The following ABR variants were observed in gnomAD, a reference collection of about 807,000 sequenced individuals.
ABR encodes the protein active breakpoint cluster region-related protein.
A neutral mutation model predicts 107.2 loss-of-function variants in ABR; 35 were observed. That is an observed-to-expected ratio of 0.33 (90% CI 0.25 to 0.43). The LOEUF is 0.43. ABR is among the 20% of genes least tolerant of loss of function. ABR has a pLI of 1.00. For missense variants in ABR, 815 were observed against 1,115.2 expected (o/e 0.73, Z 3.83); for synonymous variants, 498 against 462.0 (o/e 1.08, Z -1.00).
At chr17:1,029,377 C>T (rs1487416268) in intron 16 of ABR, among the ~76,000 whole-genome samples, 2 of 152,238 alleles carry the variant, frequency 1.3e-5, no homozygotes, top group Non-Finnish European at 2.9e-5. Context: ...AAACCAGAGG[C>T]CCTGCACTAT....
intron 2 of ABR, among the ~76,000 whole-genome samples, chr17:1,110,060 C>A (rs188206748): frequency 1.7e-4 from 25 of 150,862 alleles, no homozygotes; most frequent in Non-Finnish European, 2.2e-4. Flanking sequence ...TCCAAGCAGC[C>A]CCCCCAGCCA....
intron 16 of ABR, among the ~76,000 whole-genome samples, chr17:1,043,313 G>A (rs1013761595): frequency 6.6e-5 from 10 of 152,026 alleles, no homozygotes; most frequent in Non-Finnish European, 1.0e-4. Context: ...GACTACAGGC[G>A]TGCACCACCA....
intron 2 of ABR, among the ~76,000 whole-genome samples, chr17:1,121,066 C>T (rs1462504093): frequency 2.0e-5 from 3 of 152,234 alleles, no homozygotes; most frequent in African/African-American, 4.8e-5. Flanking sequence ...TGGAGCCACC[C>T]GTGGTCTGTG....
chr17:1,073,773 C>A, intron 6 of ABR, 96 bp from the exon 7 acceptor site: 2 of 1,108,950 alleles, frequency 1.8e-6, no homozygotes, highest in Non-Finnish European at 2.6e-6. Flanking sequence ...CGCATGCTTC[C>A]CACGTGAACA....
intron 1 of ABR, among the ~76,000 whole-genome samples, chr17:1,163,124 G>A (rs1327069853): frequency 1.3e-5 from 2 of 152,176 alleles, no homozygotes; most frequent in African/African-American, 2.4e-5. Flanking sequence ...GTGCCTCTCT[G>A]TTCTCTCCTG....
intron 16 of ABR, among the ~76,000 whole-genome samples, chr17:1,048,974 C>T (rs574564527): frequency 8.2e-4 from 125 of 152,310 alleles, no homozygotes; most frequent in African/African-American, 2.9e-3. Flanking sequence ...CGAGGCCACA[C>T]GAGGTACCAG....
At chr17:1,211,587 G>A (rs368362011) in intron 1 of ABR, among the ~76,000 whole-genome samples, 13 of 152,254 alleles carry the variant, frequency 8.5e-5, no homozygotes, top group African/African-American at 1.2e-4. Flanking sequence ...CCAGGAAATA[G>A]ACACTATTAA....
chr17:1,103,427 C>T (rs2038038353), intron 2 of ABR, among the ~76,000 whole-genome samples: 1 of 152,216 alleles, frequency 6.6e-6, no homozygotes, highest in African/African-American at 2.4e-5. Flanking sequence ...CTAGCACTCC[C>T]TCCTGTTCCC....
chr17:1,052,219 CAG>C (rs1421611950), intron 14 of ABR, among the ~76,000 whole-genome samples: 4 of 151,680 alleles, frequency 2.6e-5, no homozygotes, highest in African/African-American at 7.3e-5. Context: ...GTGAACAACA[CAG>C]AGGCCCTGAG....
intron 1 of ABR, among the ~76,000 whole-genome samples, chr17:1,151,552 G>A (rs141862052): frequency 3.3e-5 from 5 of 152,168 alleles, no homozygotes; most frequent in East Asian, 3.8e-4. Flanking sequence ...CCTCAAAGCC[G>A]CGTTCTTCCC....
intron 10 of ABR, among the ~76,000 whole-genome samples, chr17:1,064,675 G>A (rs1407602638): frequency 7.9e-6 from 1 of 125,798 alleles, no homozygotes; most frequent in South Asian, 2.8e-4. Context: ...CTGTTGTTAC[G>A]TGAACTGAGG....
At chr17:1,170,422 T>C (rs2041664531) in intron 1 of ABR, among the ~76,000 whole-genome samples, 1 of 152,014 alleles carries the variant, frequency 6.6e-6, no homozygotes, top group African/African-American at 2.4e-5. Context: ...AATTAATTAA[T>C]TTAGTTTGTT....
intron 1 of ABR, among the ~76,000 whole-genome samples, chr17:1,151,565 C>A (rs1171933011): frequency 6.6e-6 from 1 of 152,172 alleles, no homozygotes; most frequent in African/African-American, 2.4e-5. Context: ...TTCTTCCCTG[C>A]GGAGAGATTG....
intron 16 of ABR, among the ~76,000 whole-genome samples, chr17:1,038,164 G>A (rs79392236): frequency 0.012 from 1,793 of 152,098 alleles, 12 homozygotes; most frequent in Middle Eastern, 0.024. Context: ...GAATTCCCAC[G>A]CCCCACAGGC....
chr17:1,147,399 C>T (rs549963846), intron 1 of ABR, among the ~76,000 whole-genome samples: 9 of 150,206 alleles, frequency 6.0e-5, no homozygotes, highest in South Asian at 4.2e-4. Flanking sequence ...CTCACTCTGT[C>T]GCCCAGCCTG....
intron 1 of ABR, among the ~76,000 whole-genome samples, chr17:1,207,571 C>T (rs112413213): frequency 0.027 from 4,017 of 147,044 alleles, 191 homozygotes; most frequent in African/African-American, 0.095. Flanking sequence ...ATTGCTTGAA[C>T]TCGGGAGGTG....
At chr17:1,006,445 G>A (rs1162020268) in intron 22 of ABR, among the ~76,000 whole-genome samples, 1 of 152,182 alleles carries the variant, frequency 6.6e-6, no homozygotes, top group East Asian at 1.9e-4. Context: ...AGGAATCCCA[G>A]GGAAGCCTCC....
chr17:1,103,387 C>T (rs895584194), intron 2 of ABR, among the ~76,000 whole-genome samples: 3 of 152,190 alleles, frequency 2.0e-5, no homozygotes, highest in Admixed American at 6.5e-5. Flanking sequence ...CCAGCCTTGA[C>T]AAATGGGAAC....
chr17:1,072,667 T>C lies in ABR; in HGVS notation c.841A>G (p.Ile281Val), dbSNP rs1170790426. The change falls in exon 8 of 23, where the codon ATC becomes GTC. Residue 281 changes from isoleucine to valine, a missense_variant. By Grantham distance (29) the Ile-to-Val change is conservative. This residue lies in a region of ABR where 385 missense variants were observed against 596.9 expected (regional missense o/e 0.64). Coordinates refer to ENST00000302538, the MANE Select transcript of ABR (RefSeq NM_021962.5). ...LRISQNFLSS[I>V]NEDIDPRRTA... ...CGGCGGGGGTCGATGTCCTCGTTGA[T>C]GCTGGACAGGAAGTTCTGGGAGATG... 2 of 1,613,172 alleles carry C rather than the reference T, an allele frequency of 1.2e-6. No individual in the cohort carries two copies. Among genetic ancestry groups the C allele is most frequent in the South Asian group, 1.1e-5 (1 of 90,946 alleles).
Sources: gnomAD v4.1 joint callset for allele counts (sites outside exome capture counted in the v4.1 genomes callset) on GRCh38, gnomAD v4.1.1 for gene constraint, gnomAD v4.1.1 regional missense constraint, MANE v1.5 for transcripts, NCBI Gene and HGNC (gene_info 2026-07-23, HGNC 2026-07-21) for gene names.